OR2T11: variants seen among roughly 807,000 people sequenced by gnomAD.
The protein encoded by OR2T11 is olfactory receptor 2T11.
Under a neutral mutation model 13.5 loss-of-function variants are expected in OR2T11, and 14 were observed. The ratio of observed to expected loss-of-function variants is 1.04; its 90% CI spans 0.69 to 1.62. OR2T11 has a LOEUF of 1.62. OR2T11 is among the 40% of genes most tolerant of loss of function. OR2T11 has a pLI of 0.00. For synonymous variants in OR2T11, 163 were observed against 154.6 expected (o/e 1.05, Z -0.40); for missense variants, 410 against 389.7 (o/e 1.05, Z -0.44).
chr1:248,634,929 ATAAG>A lies in OR2T11; in HGVS notation c.-145+105_-145+108del, dbSNP rs1464759851. 4 of 145,074 alleles carry A rather than the reference ATAAG, an allele frequency of 2.8e-5. 1 individual carries two copies. The South Asian group carries it at 6.5e-4, about 23-fold the overall frequency. The allele number at this position is 145,074 out of a possible 1,614,324, so 9.0% of individuals were successfully genotyped here. A position where few individuals can be genotyped will look rare whatever the true frequency, so the allele number is the denominator to read the frequency against. On this transcript the variant is annotated intron_variant, in intron 1 of 1. Transcript: ENST00000641193. ...AATAAAGCAGTTAATAAGGTATGTA[ATAAG>A]TAGACTTTATGCTTTCTTCTATTAC... is the stretch of plus-strand genomic sequence containing the variant.
intron 1 of OR2T11, among the ~76,000 whole-genome samples, chr1:248,629,767 C>A (rs1157341062): frequency 7.1e-6 from 1 of 140,586 alleles, no homozygotes; most frequent in Non-Finnish European, 1.5e-5. Context: ...GTCCTCTGTC[C>A]CCACTTTGCA....
At position 248,629,610 on chromosome 1, in the gene OR2T11, G is replaced by A. The variant is rs562394277; in HGVS notation, c.-144-2338C>T. ...AGTCACATCGGGACCCGTGCATCCC[G>A]CCACGCCACTTTCTGCTTGAAACCC... is the stretch of plus-strand genomic sequence containing the variant. On this transcript the variant is annotated intron_variant, in intron 1 of 1. Transcript: ENST00000641193. Among the ~76,000 whole-genome samples the A allele has an allele frequency of 3.2e-4, 44 of 137,650 alleles. 5 individuals are homozygous for A. The South Asian group carries it at 9.0e-3, about 28-fold the overall frequency. The allele number at this position is 137,650 out of a possible 152,430, so 90.3% of individuals were successfully genotyped here.
intron 1 of OR2T11, 72 bp downstream of exon 1, chr1:248,634,965 AT>A (rs1198493288): frequency 7.2e-6 from 1 of 138,962 alleles, no homozygotes; most frequent in African/African-American, 2.8e-5. Flanking sequence ...TTACAATTTT[AT>A]ATTGCATATA....
In OR2T11 at chr1:248,626,142, G is replaced by A. The variant is rs1453177375; in HGVS notation, c.*36C>T. The A allele has an allele frequency of 8.5e-7, 1 of 1,180,670 alleles. No individual in the cohort carries two copies. The highest frequency in any genetic ancestry group is 1.7e-5 in the African/African-American group (1 of 58,222). 73.1% of individuals were successfully genotyped at this position (1,180,670 alleles called of 1,614,324 possible). On this transcript the variant is annotated 3_prime_UTR_variant, in exon 2 of 2. Transcript: ENST00000641193. ...CAGGGAAACAGGGCAAATGGAGGAA[G>A]TCCTTAGGAAGCCTTATCCTCTGGG...
chr1:248,626,130 C>A lies in OR2T11; in HGVS notation c.*48G>T, dbSNP rs749500910. 5.7e-6 allele frequency: 6 copies of A among 1,047,862 alleles called. 1 individual carries two copies. The highest frequency in any genetic ancestry group is 8.6e-6 in the Non-Finnish European group (6 of 695,698). The allele number at this position is 1,047,862 out of a possible 1,614,324, so 64.9% of individuals were successfully genotyped here. On this transcript the variant is annotated 3_prime_UTR_variant, in exon 2 of 2. Transcript: ENST00000641193. ...GCAGATCATCTCCAGGGAAACAGGG[C>A]AAATGGAGGAAGTCCTTAGGAAGCC... is the stretch of plus-strand genomic sequence containing the variant.
rs141250450 is a variant in OR2T11, at chr1:248,624,266, T to C, written c.*1912A>G. 8.8e-4 allele frequency: 126 copies of C among 143,274 alleles called. 29 individuals carry two copies. The highest frequency in any genetic ancestry group is 3.3e-3 in the African/African-American group (121 of 36,414). The allele number at this position is 143,274 out of a possible 1,614,324, so 8.9% of individuals were successfully genotyped here. The stretch of plus-strand genomic sequence containing the variant: ...ACAGCACCATTAACATCAAACACAT[T>C]GGTATCACGTTTTTCTAGTTATACT... On this transcript the variant is annotated 3_prime_UTR_variant, in exon 2 of 2. Transcript: ENST00000641193.
At chr1:248,627,366 T>TA (rs1660541070) in intron 1 of OR2T11, 94 bp from the exon 2 acceptor site, 1 of 500,252 alleles carries the variant, frequency 2.0e-6, no homozygotes, top group South Asian at 2.5e-5. Flanking sequence ...ATATTGCGTC[T>TA]ATGGTTCATC....
chr1:248,624,649 CTGAT>C lies in OR2T11; in HGVS notation c.*1525_*1528del, dbSNP rs373576573. 4.4e-4 allele frequency: 63 copies of C among 144,424 alleles called. 2 individuals are homozygous for C. Among genetic ancestry groups the C allele is most frequent in the African/African-American group, 1.6e-3 (58 of 36,922 alleles). The allele number at this position is 144,424 out of a possible 1,614,324, so 8.9% of individuals were successfully genotyped here. On this transcript the variant is annotated 3_prime_UTR_variant, in exon 2 of 2. Coordinates refer to ENST00000641193, the MANE Select transcript of OR2T11 (RefSeq NM_001001964.2). ...CCTGTTTTTAAATGCTCTTCGTACT[CTGAT>C]TATTAAATGTATGCTTTATGTTCAG... is the stretch of plus-strand genomic sequence containing the variant.
In OR2T11 at chr1:248,626,592, T is replaced by C. The variant is rs2103101144; in HGVS notation, c.537A>G (p.Pro179=). 6.4e-7 allele frequency: 1 copy of C among 1,573,366 alleles called. No individual in the cohort carries two copies. The highest frequency in any genetic ancestry group is 8.6e-7 in the Non-Finnish European group (1 of 1,156,842). The change falls in exon 2 of 2, where the codon CCA becomes CCG. Residue 179 remains proline, a synonymous_variant. Coordinates refer to ENST00000641193, the MANE Select transcript of OR2T11 (RefSeq NM_001001964.2). ...CTGCACAGGCCAGTTTCAGAACTGCTGGGATCTCACAGAAAAAATGGTTGA... is the reference window on the plus strand; with the variant it reads ...CTGCACAGGCCAGTTTCAGAACTGCCGGGATCTCACAGAAAAAATGGTTGA... ...RSINHFFCEI[P]AVLKLACADT...
Position 248,624,650 on chromosome 1 carries a change from T to C in OR2T11, c.*1528A>G, listed in dbSNP as rs1660489136. On this transcript the variant is annotated 3_prime_UTR_variant, in exon 2 of 2. Transcript: ENST00000641193. ...CTGTTTTTAAATGCTCTTCGTACTCTGATTATTAAATGTATGCTTTATGTT... is the reference window on the plus strand; with the variant it reads ...CTGTTTTTAAATGCTCTTCGTACTCCGATTATTAAATGTATGCTTTATGTT... 6.9e-6 allele frequency: 1 copy of C among 144,338 alleles called. No individual in the cohort carries two copies. Among genetic ancestry groups the C allele is most frequent in the African/African-American group, 2.7e-5 (1 of 36,762 alleles). 8.9% of individuals were successfully genotyped at this position (144,338 alleles called of 1,614,324 possible).
At position 248,626,275 on chromosome 1, in the gene OR2T11, A is replaced by G; in HGVS notation, c.854T>C (p.Leu285Pro). ...GTCCTTGTTTCTGAGGCTGTAGATG[A>G]GAGGATTAAGCATGGGCGTGACAAT... ...YTIVTPMLNP[L>P]IYSLRNKDVI... Residue 285 changes from leucine to proline, a missense_variant, in exon 2 of 2, where the codon CTC (leucine) becomes CCC (proline). Leu to Pro is a moderately conservative substitution (Grantham distance 98, BLOSUM62 -3). Transcript: ENST00000641193. 1 of 1,569,104 alleles carries G rather than the reference A, an allele frequency of 6.4e-7. No homozygotes were observed. Among genetic ancestry groups the G allele is most frequent in the Non-Finnish European group, 8.7e-7 (1 of 1,152,844 alleles).
In OR2T11 at chr1:248,626,138, G is replaced by A. The variant is rs759547456; in HGVS notation, c.*40C>T. On this transcript the variant is annotated 3_prime_UTR_variant, in exon 2 of 2. Coordinates refer to ENST00000641193, the MANE Select transcript of OR2T11 (RefSeq NM_001001964.2). ...TCTCCAGGGAAACAGGGCAAATGGAGGAAGTCCTTAGGAAGCCTTATCCTC... is the reference window on the plus strand; with the variant it reads ...TCTCCAGGGAAACAGGGCAAATGGAAGAAGTCCTTAGGAAGCCTTATCCTC... The A allele has an allele frequency of 4.4e-6, 5 of 1,135,550 alleles. 2 individuals carry two copies. The highest frequency in any genetic ancestry group is 6.5e-6 in the Non-Finnish European group (5 of 772,936). 70.3% of individuals were successfully genotyped at this position (1,135,550 alleles called of 1,614,324 possible). A position where few individuals can be genotyped will look rare whatever the true frequency, so the allele number is the denominator to read the frequency against.
In OR2T11 at chr1:248,629,266, G is replaced by A. The variant is rs1199343725; in HGVS notation, c.-144-1994C>T. Among the ~76,000 whole-genome samples, 7 of 142,160 alleles carry A rather than the reference G, an allele frequency of 4.9e-5. 1 individual carries two copies. The highest frequency in any genetic ancestry group is 1.4e-4 in the African/African-American group (5 of 35,834). 93.3% of individuals were successfully genotyped at this position (142,160 alleles called of 152,430 possible). ...AAACTAGCCAGGCGTGGTGGTGCAC[G>A]TCAGTCGTCCCAGCTACTCAGGAGG... On this transcript the variant is annotated intron_variant, in intron 1 of 1. Coordinates refer to ENST00000641193, the MANE Select transcript of OR2T11 (RefSeq NM_001001964.2).
intron 1 of OR2T11, among the ~76,000 whole-genome samples, chr1:248,633,823 C>A (rs769293516): frequency 7.0e-6 from 1 of 143,756 alleles, no homozygotes; most frequent in South Asian, 2.2e-4. Context: ...TTTCTGCTTC[C>A]ACCCTTGAGA....
Position 248,624,655 on chromosome 1 carries a change from A to AGAG in OR2T11, c.*1522_*1523insCTC. On this transcript the variant is annotated 3_prime_UTR_variant, in exon 2 of 2. Coordinates refer to ENST00000641193, the MANE Select transcript of OR2T11 (RefSeq NM_001001964.2). ...TTTAAATGCTCTTCGTACTCTGATT[A>AGAG]TTAAATGTATGCTTTATGTTCAGAA... is the stretch of plus-strand genomic sequence containing the variant. 6.9e-6 allele frequency: 1 copy of AGAG among 144,350 alleles called. No homozygotes were observed. Among genetic ancestry groups the AGAG allele is most frequent in the Admixed American group, 6.8e-5 (1 of 14,804 alleles). 8.9% of individuals were successfully genotyped at this position (144,350 alleles called of 1,614,324 possible).
rs1343947734 is a variant in OR2T11, at chr1:248,626,992, A to G, written c.137T>C (p.Ile46Thr). The change falls in exon 2 of 2, where the codon ATT becomes ACT. Residue 46 changes from isoleucine to threonine, a missense_variant. Coordinates refer to ENST00000641193, the MANE Select transcript of OR2T11 (RefSeq NM_001001964.2). ...VTANLVMIFL[I>T]QVDSRLHTPM... ...GGTGTGGAGGCGAGAGTCCACCTGAATCAAGAATATCATGACCAAATTTGC... is the reference window on the plus strand; with the variant it reads ...GGTGTGGAGGCGAGAGTCCACCTGAGTCAAGAATATCATGACCAAATTTGC... The G allele has an allele frequency of 6.4e-7, 1 of 1,570,852 alleles. No homozygotes were observed. Among genetic ancestry groups the G allele is most frequent in the African/African-American group, 1.5e-5 (1 of 66,436 alleles).
intron 1 of OR2T11, among the ~76,000 whole-genome samples, chr1:248,634,170 G>A (rs995323151): frequency 2.1e-5 from 3 of 141,778 alleles, no homozygotes; most frequent in African/African-American, 8.4e-5. Flanking sequence ...GTTTTCATTC[G>A]TTTATTACAC....
intron 1 of OR2T11, among the ~76,000 whole-genome samples, chr1:248,628,573 A>AC: frequency 7.1e-6 from 1 of 141,808 alleles, no homozygotes; most frequent in Non-Finnish European, 1.5e-5. Context: ...TGTTCTTAAC[A>AC]CCAAAAAAAA....
Position 248,627,250 on chromosome 1 carries a change from G to A in OR2T11, c.-122C>T, listed in dbSNP as rs1660539967. ...GGTGACACTTCTGAGGGTACCGTCA[G>A]GATGAAGCTTCCAGGCTAGAGGCTA... On this transcript the variant is annotated 5_prime_UTR_variant, in exon 2 of 2. Transcript: ENST00000641193. 2 of 614,556 alleles carry A rather than the reference G, an allele frequency of 3.3e-6. No individual in the cohort carries two copies. Among genetic ancestry groups the A allele is most frequent in the African/African-American group, 4.2e-5 (2 of 47,996 alleles). 38.1% of individuals were successfully genotyped at this position (614,556 alleles called of 1,614,324 possible). A position where few individuals can be genotyped will look rare whatever the true frequency, so the allele number is the denominator to read the frequency against.
Sources: allele counts gnomAD v4.1 joint callset (sites outside exome capture counted in the v4.1 genomes callset), GRCh38; gene constraint gnomAD v4.1.1; transcripts MANE v1.5; gene names NCBI Gene and HGNC (gene_info 2026-07-23, HGNC 2026-07-21).